The following MYCBP2 variants were observed in gnomAD, a reference collection of about 807,000 sequenced individuals.
MYCBP2 encodes the protein E3 ubiquitin-protein ligase MYCBP2.
A neutral mutation model predicts 525.3 loss-of-function variants in MYCBP2; 120 were observed. That is an observed-to-expected ratio of 0.23 (90% confidence interval 0.20 to 0.27). The LOEUF is 0.27. Among genes scored for constraint, MYCBP2 ranks in the 10% least tolerant of loss-of-function variants. The pLI, the probability that MYCBP2 is intolerant of heterozygous loss-of-function variation, is 1.00. For missense variants in MYCBP2, 4,149 were observed against 5,657.1 expected (o/e 0.73, Z 8.55); for synonymous variants, 1,894 against 1,955.8 (o/e 0.97, Z 0.83).
At chr13:77,103,890 T>C (rs2047452695) in intron 55 of MYCBP2, among the ~76,000 whole-genome samples, 1 of 152,110 alleles carries the variant, frequency 6.6e-6, no homozygotes. Context: ...TAGATCCTAC[T>C]TCTGATATCA....
intron 56 of MYCBP2, among the ~76,000 whole-genome samples, chr13:77,097,069 G>C (rs1052492980): frequency 6.6e-6 from 1 of 152,110 alleles, no homozygotes; most frequent in African/African-American, 2.4e-5. Context: ...GTGTGTATGG[G>C]CATGCCACTG....
intron 38 of MYCBP2, among the ~76,000 whole-genome samples, chr13:77,170,896 T>C (rs1257820700): frequency 6.6e-6 from 1 of 152,098 alleles, no homozygotes; most frequent in Non-Finnish European, 1.5e-5. Context: ...TTCATAATGA[T>C]AACTCTGCTG....
rs1357417267 is a variant in MYCBP2 at position 77,097,443 on chromosome 13, T to C, written c.9711A>G (p.Lys3237=). 3 of 1,613,594 alleles carry C rather than the reference T, an allele frequency of 1.9e-6. No homozygotes were observed. Among genetic ancestry groups the C allele is most frequent in the East Asian group, 2.2e-5 (1 of 44,828 alleles). The change falls in exon 56 of 83, where the codon AAA becomes AAG. Residue 3237 remains lysine, a synonymous_variant. Transcript: ENST00000544440. ...MAQLAVGGPE[K]DTICELCGES... is the part of the protein sequence containing the mutation. ...CCCCACACAGTTCACAGATGGTATC[T>C]TTCTCTGGTCCTCCTACTGCCAGCT...
intron 3 of MYCBP2, among the ~76,000 whole-genome samples, chr13:77,286,110 G>A (rs1270564883): frequency 6.6e-6 from 1 of 152,224 alleles, no homozygotes; most frequent in East Asian, 1.9e-4. Flanking sequence ...AGAATAAGGT[G>A]AGAAGAACCT....
intron 61 of MYCBP2, among the ~76,000 whole-genome samples, chr13:77,087,937 C>T (rs1331353007): frequency 6.6e-6 from 1 of 151,914 alleles, no homozygotes; most frequent in Non-Finnish European, 1.5e-5. Context: ...TGTACCACCA[C>T]ACCCAGCTGA....
chr13:77,251,398 CA>C, intron 14 of MYCBP2, 43 bp from the exon 15 acceptor site: 3 of 1,538,724 alleles, frequency 1.9e-6, no homozygotes, highest in Non-Finnish European at 2.7e-6. Context: ...AGGTTACTTT[CA>C]TGTATAAAAG....
chr13:77,277,672 G>T (rs2075774299), intron 4 of MYCBP2, among the ~76,000 whole-genome samples: 1 of 152,130 alleles, frequency 6.6e-6, no homozygotes, highest in South Asian at 2.1e-4. Flanking sequence ...GTATCACCAA[G>T]AAACTAATTC....
chr13:77,205,176 A>C (rs1367478838), intron 26 of MYCBP2, 80 bp downstream of exon 26: 5 of 1,256,946 alleles, frequency 4.0e-6, no homozygotes, highest in African/African-American at 1.6e-5. Context: ...AAAAAATTAG[A>C]CATTAAATAA....
chr13:77,265,688 G>A (rs1177808227), intron 8 of MYCBP2, among the ~76,000 whole-genome samples: 1 of 152,162 alleles, frequency 6.6e-6, no homozygotes, highest in East Asian at 1.9e-4. Context: ...AGGCTACAGA[G>A]CAGAGCTATT....
Position 77,225,486 on chromosome 13 carries a change from AT to A in MYCBP2, c.2805del (p.Phe936LeufsTer20). On this transcript the variant is annotated frameshift_variant, in exon 19 of 83. Coordinates refer to ENST00000544440, the MANE Select transcript of MYCBP2 (RefSeq NM_015057.5). LOFTEE classifies it high-confidence loss of function. ...KITTYPPGSV[R>X]FDCELRAVQV... Reference sequence around the variant, plus strand: ...TGGACTGCCCGGAGCTCACAGTCAAATCGCACAGAGCCTGGAGGGTATGTTG... The same window carrying A: ...TGGACTGCCCGGAGCTCACAGTCAAACGCACAGAGCCTGGAGGGTATGTTG... 1 of 1,613,818 alleles carries A rather than the reference AT, an allele frequency of 6.2e-7. No individual in the cohort carries two copies. The highest frequency in any genetic ancestry group is 8.5e-7 in the Non-Finnish European group (1 of 1,179,812).
chr13:77,170,855 A>G (rs2059070796), intron 38 of MYCBP2, among the ~76,000 whole-genome samples: 1 of 152,110 alleles, frequency 6.6e-6, no homozygotes, highest in Admixed American at 6.5e-5. Context: ...GATTACAGGC[A>G]TGAGCCACCA....
At chr13:77,214,701 A>G (rs2064552528) in intron 21 of MYCBP2, among the ~76,000 whole-genome samples, 1 of 152,144 alleles carries the variant, frequency 6.6e-6, no homozygotes, top group African/African-American at 2.4e-5. Context: ...TAGACGGTAT[A>G]TCTACTACAT....
intron 20 of MYCBP2, among the ~76,000 whole-genome samples, chr13:77,219,065 C>A (rs1194852790): frequency 1.3e-5 from 2 of 151,906 alleles, no homozygotes; most frequent in African/African-American, 4.8e-5. Context: ...TTCACTTAAG[C>A]TATGAGAATG....
chr13:77,157,006 C>T (rs575882168), intron 45 of MYCBP2, among the ~76,000 whole-genome samples: 79 of 151,866 alleles, frequency 5.2e-4, no homozygotes, highest in African/African-American at 1.8e-3. Flanking sequence ...TCATGCAGGC[C>T]AGCATATTTT....
intron 59 of MYCBP2, chr13:77,090,798 A>G (rs1043774888): frequency 6.6e-6 from 1 of 152,120 alleles, no homozygotes; most frequent in African/African-American, 2.4e-5. Flanking sequence ...GATTTTTGGC[A>G]CCAGTGTTGT....
intron 62 of MYCBP2, 33 bp downstream of exon 62, chr13:77,087,451 A>G (rs1281218195): frequency 6.4e-7 from 1 of 1,557,490 alleles, no homozygotes; most frequent in East Asian, 2.3e-5. Context: ...TTTCTATAAA[A>G]ATATGCACAA....
At chr13:77,069,692 T>TAAAA (rs752290620) in intron 69 of MYCBP2, among the ~76,000 whole-genome samples, 2 of 70,346 alleles carry the variant, frequency 2.8e-5, no homozygotes, top group South Asian at 4.6e-4. Context: ...CCGTCTGTAC[T>TAAAA]AAAAAAAAAA....
At chr13:77,261,924 A>T in intron 11 of MYCBP2, 129 bp downstream of exon 11, 1 of 711,752 alleles carries the variant, frequency 1.4e-6, no homozygotes, top group Non-Finnish European at 2.2e-6. Context: ...CTTATAAAAA[A>T]TAATTTTAAA....
intron 47 of MYCBP2, 35 bp downstream of exon 47, chr13:77,150,699 A>C: frequency 6.3e-7 from 1 of 1,588,414 alleles, no homozygotes; most frequent in Non-Finnish European, 8.6e-7. Flanking sequence ...CAAATGCTGA[A>C]AACTAAAATT....
Sources: allele counts gnomAD v4.1 joint callset (sites outside exome capture counted in the v4.1 genomes callset), GRCh38; gene constraint gnomAD v4.1.1; transcripts MANE v1.5; gene names NCBI Gene and HGNC (gene_info 2026-07-23, HGNC 2026-07-21).